The following POLR3B variants were observed in gnomAD, a reference collection of about 807,000 sequenced individuals.
The protein encoded by POLR3B is DNA-directed RNA polymerase III subunit RPC2.
POLR3B carries 96 observed loss-of-function variants against 147.4 expected under a neutral mutation model. The ratio of observed to expected loss-of-function variants is 0.65; its 90% CI spans 0.55 to 0.77. POLR3B has a LOEUF of 0.77. Among genes scored for constraint, POLR3B ranks in the 30% least tolerant of loss-of-function variants. POLR3B has a pLI of 0.00. For missense variants in POLR3B, 1,036 were observed against 1,413.5 expected, an observed-to-expected ratio of 0.73 and a Z score of 4.28; for synonymous variants, 461 against 485.9, an observed-to-expected ratio of 0.95 and a Z score of 0.67.
intron 20 of POLR3B, among the ~76,000 whole-genome samples, chr12:106,455,711 C>G (rs1565901859): frequency 6.6e-6 from 1 of 152,164 alleles, no homozygotes; most frequent in Non-Finnish European, 1.5e-5. Flanking sequence ...TTAATGGCTA[C>G]TGTATGAAAT....
rs1369016777 is a variant in POLR3B at position 106,461,879 on chromosome 12, C to T, written c.2571-1599C>T. On this transcript the variant is annotated intron_variant, in intron 22 of 27. Coordinates refer to ENST00000228347, the MANE Select transcript of POLR3B (RefSeq NM_018082.6). The stretch of plus-strand genomic sequence containing the variant: ...CCTCATCTGGACAAGCTCCCCAGTT[C>T]TCAGCACTCCAGTCACCCTGTTTTT... 3.9e-5 allele frequency among the ~76,000 whole-genome samples: 6 copies of T among 152,286 alleles called. No homozygotes were observed. In the East Asian group the frequency reaches 1.2e-3, roughly 29 times the overall value.
rs2036416169 is a variant in POLR3B, at chr12:106,358,164, C to CT, written c.72+213_72+214insT. The CT allele has an allele frequency of 4.2e-6, 6 of 1,441,508 alleles. No homozygotes were observed. The Admixed American group carries it at 1.1e-4, about 26-fold the overall frequency. 89.3% of individuals were successfully genotyped at this position (1,441,508 alleles called of 1,614,324 possible). On this transcript the variant is annotated intron_variant, in intron 1 of 27. Coordinates refer to ENST00000228347, the MANE Select transcript of POLR3B (RefSeq NM_018082.6). ...GGCTGATCCCAGAGGAGCTGTCAGC[C>CT]GCTGCGGGGGCCGAGAAGCCCCGCT...
rs374259169 is a variant in POLR3B at position 106,366,498 on chromosome 12, C to A, written c.106-18C>A. 5 of 1,582,616 alleles carry A rather than the reference C, an allele frequency of 3.2e-6. No individual in the cohort carries two copies. The highest frequency in any genetic ancestry group is 4.3e-6 in the Non-Finnish European group (5 of 1,153,148). On this transcript the variant is annotated intron_variant, in intron 2 of 27. Transcript: ENST00000228347. ...GCACTTTTGCTAACCTGTTTACTTT[C>A]TCTTTCTATCTGTTTAGGTGAAAGG...
chr12:106,480,188 C>G lies in POLR3B; in HGVS notation c.2714-15867C>G, dbSNP rs78342515. Among the ~76,000 whole-genome samples the G allele has an allele frequency of 1.0e-2, 1,520 of 152,072 alleles. 25 individuals carry two copies. Among genetic ancestry groups the G allele is most frequent in the African/African-American group, 0.035 (1,449 of 41,482 alleles). On this transcript the variant is annotated intron_variant, in intron 23 of 27. Transcript: ENST00000228347. ...CCACTGTGCCTGGCTGTTTCTATCT[C>G]TCGATAGGATTTTCCTCTCCTATTT... is the stretch of plus-strand genomic sequence containing the variant.
intron 1 of POLR3B, among the ~76,000 whole-genome samples, chr12:106,360,288 A>G (rs2036452097): frequency 6.6e-6 from 1 of 152,112 alleles, no homozygotes; most frequent in South Asian, 2.1e-4. Flanking sequence ...GGCAAAATCT[A>G]GTGTTTACCA....
At position 106,379,957 on chromosome 12, in the gene POLR3B, C is replaced by T; in HGVS notation, c.615-74C>T. ...CAGTTGACCCTTATTGATTAATGAT[C>T]ATTGCTATTATTGCATGTTACTAGC... On this transcript the variant is annotated intron_variant, in intron 8 of 27. Transcript: ENST00000228347. 3 of 818,748 alleles carry T rather than the reference C, an allele frequency of 3.7e-6. No individual in the cohort carries two copies. The South Asian group carries it at 4.2e-5, about 11-fold the overall frequency. 50.7% of individuals were successfully genotyped at this position (818,748 alleles called of 1,614,324 possible).
chr12:106,397,543 G>A (rs2036996995), intron 10 of POLR3B, among the ~76,000 whole-genome samples: 3 of 152,046 alleles, frequency 2.0e-5, no homozygotes, highest in Admixed American at 6.6e-5. Flanking sequence ...CCATAGATTA[G>A]TTTTACCTAT....
intron 18 of POLR3B, among the ~76,000 whole-genome samples, chr12:106,441,420 C>G (rs928602204): frequency 2.6e-5 from 4 of 152,150 alleles, no homozygotes. Flanking sequence ...TTCTAGACTA[C>G]AAACCTGTAC....
At chr12:106,390,741 T>C (rs1250851943) in intron 9 of POLR3B, among the ~76,000 whole-genome samples, 1 of 152,064 alleles carries the variant, frequency 6.6e-6, no homozygotes, top group African/African-American at 2.4e-5. Flanking sequence ...TGTTTTAAAT[T>C]CAGATAGTGA....
At chr12:106,455,403 T>G (rs2037851968) in intron 20 of POLR3B, among the ~76,000 whole-genome samples, 1 of 152,176 alleles carries the variant, frequency 6.6e-6, no homozygotes, top group Non-Finnish European at 1.5e-5. Context: ...CCTAGACATG[T>G]GTCTTTGGCA....
intron 2 of POLR3B, among the ~76,000 whole-genome samples, chr12:106,365,873 A>AT (rs34013979): frequency 0.25 from 32,398 of 131,132 alleles, 4,910 homozygotes; most frequent in East Asian, 0.72. Context: ...AAAAAAAAAA[A>AT]TTTTTTTTTT....
chr12:106,493,470 C>T (rs1482572663), intron 23 of POLR3B, among the ~76,000 whole-genome samples: 1 of 152,158 alleles, frequency 6.6e-6, no homozygotes, highest in African/African-American at 2.4e-5. Flanking sequence ...CAGTAAAATA[C>T]AAACTTTTAA....
intron 25 of POLR3B, 30 bp downstream of exon 25, chr12:106,496,948 A>C: frequency 6.2e-7 from 1 of 1,606,624 alleles, no homozygotes; most frequent in Non-Finnish European, 8.5e-7. Flanking sequence ...ATTTTAAAGA[A>C]AAAGAATGGT....
rs2036709698 is a variant in POLR3B, at chr12:106,378,337, C to T, written c.567C>T (p.Ile189=). The T allele has an allele frequency of 1.2e-6, 2 of 1,613,764 alleles. No homozygotes were observed. Among genetic ancestry groups the T allele is most frequent in the African/African-American group, 1.3e-5 (1 of 74,936 alleles). ...LIQEQLSKNR[I]IVEADRKGAV... ...AAGAGCAGCTGTCTAAGAACAGGAT[C>T]ATCGTGGAGGCTGATAGAAAAGGGG... The change falls in exon 8 of 28, where the codon ATC becomes ATT. Residue 189 remains isoleucine, a synonymous_variant. Coordinates refer to ENST00000228347, the MANE Select transcript of POLR3B (RefSeq NM_018082.6).
At position 106,432,407 on chromosome 12, in the gene POLR3B, G is replaced by A; in HGVS notation, c.1554G>A (p.Leu518=). ...CCATTGTTAAATTAGCCAGTAACTT[G>A]GGAGTAGAAGATGTGAATTTATTAT... ...DGPIVKLASN[L]GVEDVNLLCG... The change falls in exon 15 of 28, where the codon TTG becomes TTA. Residue 518 remains leucine, a synonymous_variant. Coordinates refer to ENST00000228347, the MANE Select transcript of POLR3B (RefSeq NM_018082.6). The A allele has an allele frequency of 5.0e-6, 8 of 1,613,326 alleles. No individual in the cohort carries two copies. Among genetic ancestry groups the A allele is most frequent in the Non-Finnish European group, 5.9e-6 (7 of 1,179,326 alleles).
At chr12:106,444,880 G>A (rs972392690) in intron 19 of POLR3B, among the ~76,000 whole-genome samples, 6 of 152,120 alleles carry the variant, frequency 3.9e-5, no homozygotes, top group African/African-American at 1.4e-4. Context: ...AATATAAAGA[G>A]AAAAGCCCTA....
At chr12:106,437,598 G>C (rs950253423) in intron 17 of POLR3B, 83 bp from the exon 18 acceptor site, 1 of 774,996 alleles carries the variant, frequency 1.3e-6, no homozygotes, top group Admixed American at 2.0e-5. Flanking sequence ...GGGCCTAAAC[G>C]AAAGCCAGTA....
At chr12:106,418,960 A>G (rs2037340091) in intron 12 of POLR3B, among the ~76,000 whole-genome samples, 1 of 152,222 alleles carries the variant, frequency 6.6e-6, no homozygotes, top group Non-Finnish European at 1.5e-5. Context: ...GGGCTACAAT[A>G]AATTCAGCTG....
chr12:106,417,804 A>T (rs2037325816), intron 12 of POLR3B, among the ~76,000 whole-genome samples: 1 of 152,044 alleles, frequency 6.6e-6, no homozygotes, highest in Admixed American at 6.6e-5. Context: ...TTTACTTCGG[A>T]AAAACCATGG....
Sources: allele counts gnomAD v4.1 joint callset (sites outside exome capture counted in the v4.1 genomes callset), GRCh38; gene constraint gnomAD v4.1.1; transcripts MANE v1.5; gene names NCBI Gene and HGNC (gene_info 2026-07-23, HGNC 2026-07-21).